The following CASK variants were observed in gnomAD, a reference collection of about 807,000 sequenced individuals.
CASK encodes peripheral plasma membrane protein CASK.
Under a neutral mutation model 82.9 loss-of-function variants are expected in CASK, and 4 were observed. That is an observed-to-expected ratio of 0.05 (90% CI 0.02 to 0.11). The LOEUF is 0.11. Ranked by LOEUF, CASK falls within the 10% of genes least tolerant of loss-of-function variation. CASK has a pLI of 1.00. For synonymous variants in CASK, 259 were observed against 253.5 expected (o/e 1.02, Z -0.20); for missense variants, 358 against 720.9 (o/e 0.50, Z 5.76).
intron 2 of CASK, among the ~76,000 whole-genome samples, chrX:41,824,280 C>CA (rs1408394232): frequency 1.2e-4 from 14 of 112,280 alleles, no homozygotes; most frequent in Non-Finnish European, 2.6e-4. Flanking sequence ...TACTCACTGT[C>CA]ATATACACAA....
intron 16 of CASK, among the ~76,000 whole-genome samples, chrX:41,566,272 T>C (rs897044623): frequency 5.4e-5 from 6 of 111,689 alleles, no homozygotes; most frequent in African/African-American, 2.0e-4. Context: ...AGGTATTTGA[T>C]TAGGAAATGA....
chrX:41,863,647 T>C (rs2147994639), intron 1 of CASK, among the ~76,000 whole-genome samples: 1 of 112,464 alleles, frequency 8.9e-6, no homozygotes, highest in South Asian at 3.7e-4. Flanking sequence ...TTTCTAAATG[T>C]GGGCCTATAC....
At chrX:41,625,980 T>A (rs1015557199) in intron 10 of CASK, among the ~76,000 whole-genome samples, 9 of 96,327 alleles carry the variant, frequency 9.3e-5, no homozygotes, top group Non-Finnish European at 1.9e-4. Flanking sequence ...TATTTTTGTG[T>A]TTTTGCAGAG....
At chrX:41,817,018 T>C (rs2070427134) in intron 2 of CASK, among the ~76,000 whole-genome samples, 1 of 111,785 alleles carries the variant, frequency 8.9e-6, no homozygotes, top group Non-Finnish European at 1.9e-5. Context: ...AGTTAAAGAC[T>C]ATTATAACAA....
At chrX:41,665,606 A>G in intron 6 of CASK, 154 bp from the exon 7 acceptor site, 2 of 480,198 alleles carry the variant, frequency 4.2e-6, no homozygotes, top group Non-Finnish European at 7.0e-6. Flanking sequence ...TCAAGTTCAC[A>G]TAGGTGAAAA....
chrX:41,829,397 G>A (rs1030468895), intron 2 of CASK, among the ~76,000 whole-genome samples: 4 of 107,906 alleles, frequency 3.7e-5, no homozygotes, highest in African/African-American at 1.3e-4. Context: ...TTTTAAGCCC[G>A]GCTTCTTTCA....
In CASK at chrX:41,903,008, G is replaced by C. The variant is rs184950251; in HGVS notation, c.59+19922C>G. Among the ~76,000 whole-genome samples, 5 of 112,012 alleles carry C rather than the reference G, an allele frequency of 4.5e-5. 1 individual carries two copies. In the Admixed American group the frequency reaches 4.7e-4, roughly 11 times the overall value. The stretch of plus-strand genomic sequence containing the variant: ...TGGAAAGGAGATAATGTATAAATGG[G>C]AGCCAAGGGCCTGGACTAGAAGACC... On this transcript the variant is annotated intron_variant, in intron 1 of 26. Coordinates refer to ENST00000378163, the MANE Select transcript of CASK (RefSeq NM_001367721.1).
At chrX:41,770,252 T>C (rs1439616176) in intron 3 of CASK, among the ~76,000 whole-genome samples, 2 of 106,286 alleles carry the variant, frequency 1.9e-5, no homozygotes, top group African/African-American at 6.9e-5. Flanking sequence ...AATCTATCTA[T>C]CTATCATCTA....
Position 41,531,183 on chromosome X carries a change from C to T in CASK, c.2344G>A (p.Glu782Lys), listed in dbSNP as rs746017736. ...AAGTAATAATTCTTTCCATTTTCTTCGTCTTTCTTTGGAGGTCTGGTTGTA... is the reference window on the plus strand; with the variant it reads ...AAGTAATAATTCTTTCCATTTTCTTTGTCTTTCTTTGGAGGTCTGGTTGTA... ...PHTTRPPKKD[E>K]ENGKNYYFVS... is the part of the protein sequence containing the mutation. The change falls in exon 25 of 27, where the codon GAA (glutamate) becomes AAA (lysine). Residue 782 changes from glutamate (E) to lysine (K), a missense_variant. This residue lies in a region of CASK where 118 missense variants were observed against 169.4 expected (regional missense o/e 0.70). Coordinates refer to ENST00000378163, the MANE Select transcript of CASK (RefSeq NM_001367721.1). The T allele has an allele frequency of 4.1e-6, 5 of 1,210,558 alleles. No homozygotes were observed. In the South Asian group the frequency reaches 5.3e-5, roughly 13 times the overall value.
intron 8 of CASK, among the ~76,000 whole-genome samples, chrX:41,639,564 A>G (rs763447832): frequency 1.2e-4 from 13 of 111,291 alleles, no homozygotes; most frequent in African/African-American, 3.9e-4. Flanking sequence ...CTCTGAATAT[A>G]TATTTTTTTG....
intron 14 of CASK, chrX:41,586,689 T>G: frequency 2.6e-6 from 1 of 390,682 alleles, no homozygotes; most frequent in Non-Finnish European, 4.5e-6. Context: ...GTACAGTCCC[T>G]GAAAAGCCAC....
chrX:41,759,849 C>T (rs2068968090), intron 3 of CASK, among the ~76,000 whole-genome samples: 1 of 112,170 alleles, frequency 8.9e-6, no homozygotes, highest in Non-Finnish European at 1.9e-5. Context: ...ATTTTAGAAA[C>T]TGAGAACTGT....
At chrX:41,596,838 C>T (rs1356224309) in intron 12 of CASK, among the ~76,000 whole-genome samples, 3 of 111,925 alleles carry the variant, frequency 2.7e-5, no homozygotes, top group Non-Finnish European at 3.8e-5. Context: ...TACACCGACA[C>T]GCTTCATTCA....
chrX:41,662,665 C>T (rs1460178642), intron 7 of CASK, among the ~76,000 whole-genome samples: 1 of 109,229 alleles, frequency 9.2e-6, no homozygotes, highest in African/African-American at 3.3e-5. Flanking sequence ...GTGGTGCATG[C>T]GCCTGTAATC....
chrX:41,721,553 T>C (rs933176863), intron 5 of CASK, among the ~76,000 whole-genome samples: 3 of 111,806 alleles, frequency 2.7e-5, no homozygotes, highest in Non-Finnish European at 5.6e-5. Context: ...CTGAACAAAG[T>C]TAAAAATACT....
At chrX:41,905,529 T>A (rs2072455909) in intron 1 of CASK, among the ~76,000 whole-genome samples, 1 of 113,065 alleles carries the variant, frequency 8.8e-6, no homozygotes, top group Non-Finnish European at 1.9e-5. Flanking sequence ...TAAATCTTTT[T>A]TGGAGAAATG....
chrX:41,752,524 A>G (rs2770904), intron 3 of CASK, among the ~76,000 whole-genome samples: 17,998 of 110,680 alleles, frequency 0.16, 1,431 homozygotes, highest in Middle Eastern at 0.3. Context: ...TCCTGGCCTC[A>G]AGTGATCCCC....
chrX:41,874,784 C>T (rs2071779757), intron 1 of CASK, among the ~76,000 whole-genome samples: 2 of 112,369 alleles, frequency 1.8e-5, no homozygotes, highest in African/African-American at 6.5e-5. Context: ...TGAAAGTGAT[C>T]ACTCAGCTAA....
chrX:41,713,456 G>A (rs1015339228), intron 5 of CASK, among the ~76,000 whole-genome samples: 1 of 112,397 alleles, frequency 8.9e-6, no homozygotes, highest in African/African-American at 3.2e-5. Context: ...GCCAAGTGGT[G>A]TACCCTGAAG....
Sources: allele counts gnomAD v4.1 joint callset (sites outside exome capture counted in the v4.1 genomes callset), GRCh38; gene constraint gnomAD v4.1.1; regional missense constraint gnomAD v4.1.1; transcripts MANE v1.5; gene names NCBI Gene and HGNC (gene_info 2026-07-23, HGNC 2026-07-21).